The following TGS1 variants were observed in gnomAD, a reference collection of about 807,000 sequenced individuals.
TGS1 encodes trimethylguanosine synthase 1.
A neutral mutation model predicts 92.2 loss-of-function variants in TGS1; 69 were observed. The observed-to-expected ratio is 0.75, with a 90% CI of 0.62 to 0.91. The LOEUF (loss-of-function observed/expected upper bound fraction) is 0.91, where lower values mean the gene tolerates loss of function less well. Ranked by LOEUF, TGS1 falls within the 40% of genes least tolerant of loss-of-function variation. The probability of loss-of-function intolerance (pLI) is 0.00; values close to 1 mark genes in which losing one functional copy is unlikely to be tolerated. For synonymous variants in TGS1, 345 were observed against 338.1 expected, an observed-to-expected ratio of 1.02 and a Z score of -0.22; for missense variants, 1,062 against 1,001.2, an observed-to-expected ratio of 1.06 and a Z score of -0.82.
intron 1 of TGS1, among the ~76,000 whole-genome samples, chr8:55,778,867 C>T (rs1811475054): frequency 1.3e-5 from 2 of 152,064 alleles, no homozygotes; most frequent in Non-Finnish European, 2.9e-5. Flanking sequence ...TTCAGCCGCC[C>T]GAGTGTCAGG....
At chr8:55,808,010 A>T (rs1475805845) in intron 10 of TGS1, among the ~76,000 whole-genome samples, 1 of 152,224 alleles carries the variant, frequency 6.6e-6, no homozygotes, top group African/African-American at 2.4e-5. Flanking sequence ...GTAGCTGTAG[A>T]AAAAACAGAC....
chr8:55,823,150 T>C (rs1421650169), intron 12 of TGS1, among the ~76,000 whole-genome samples: 2 of 152,194 alleles, frequency 1.3e-5, no homozygotes, highest in Non-Finnish European at 2.9e-5. Flanking sequence ...GGTGAAGTAA[T>C]CATGAGTTAG....
intron 1 of TGS1, among the ~76,000 whole-genome samples, chr8:55,778,185 G>GTCC (rs1236535726): frequency 6.6e-6 from 1 of 152,142 alleles, no homozygotes; most frequent in Non-Finnish European, 1.5e-5. Flanking sequence ...AGTCCAGGAG[G>GTCC]TGGAGGCTGC....
chr8:55,774,560 C>T (rs759156938), intron 1 of TGS1, among the ~76,000 whole-genome samples: 9 of 151,946 alleles, frequency 5.9e-5, no homozygotes, highest in South Asian at 2.1e-4. Flanking sequence ...AAAGTATTGT[C>T]GCCTTTTTAG....
Position 55,817,916 on chromosome 8 carries a change from A to C in TGS1, c.2439+4798A>C, listed in dbSNP as rs1042234308. The stretch of plus-strand genomic sequence containing the variant: ...ACATCTACAGCATAGGAGCTGGCAC[A>C]CACACTTAGGGTGTACAGTGTCCTC... On this transcript the variant is annotated intron_variant, in intron 12 of 12. Transcript: ENST00000260129. Among the ~76,000 whole-genome samples the C allele has an allele frequency of 3.9e-5, 6 of 152,342 alleles. No individual in the cohort carries two copies. The South Asian group carries it at 1.2e-3, about 32-fold the overall frequency.
rs1231844408 is a variant in TGS1 at position 55,793,765 on chromosome 8, TA to T, written c.1367+982del. ...TTATTTATTTATTTATTTATTTATT[TA>T]TTTATTTATTTTTTAATTTTTTATT... On this transcript the variant is annotated intron_variant, in intron 6 of 12. Transcript: ENST00000260129. Among the ~76,000 whole-genome samples the T allele has an allele frequency of 5.1e-3, 755 of 146,968 alleles. 5 individuals are homozygous for T. The highest frequency in any genetic ancestry group is 0.019 in the African/African-American group (726 of 38,436).
chr8:55,804,478 A>G (rs943051498), intron 9 of TGS1, among the ~76,000 whole-genome samples: 1 of 152,190 alleles, frequency 6.6e-6, no homozygotes, highest in Non-Finnish European at 1.5e-5. Context: ...TGTCCAATAC[A>G]AATCCAGGCT....
intron 11 of TGS1, among the ~76,000 whole-genome samples, chr8:55,812,650 C>T (rs546160470): frequency 3.3e-5 from 5 of 152,188 alleles, no homozygotes; most frequent in African/African-American, 1.2e-4. Flanking sequence ...CGCTACTGCA[C>T]TCCAGCCTGG....
At chr8:55,803,836 C>A (rs543465555) in intron 9 of TGS1, among the ~76,000 whole-genome samples, 3 of 152,074 alleles carry the variant, frequency 2.0e-5, no homozygotes, top group Admixed American at 1.3e-4. Flanking sequence ...GGATTACAAG[C>A]AAGCACTACC....
rs1166520714 is a variant in TGS1 at position 55,805,040 on chromosome 8, A to G, written c.2143+4A>G. 1.9e-6 allele frequency: 3 copies of G among 1,612,896 alleles called. No homozygotes were observed. Among genetic ancestry groups the G allele is most frequent in the East Asian group, 2.2e-5 (1 of 44,850 alleles). Reference sequence around the variant, plus strand: ...TTTGCCTTAACAGGAATGAGAGGTAATTAGCCATCAATGGAAGTGAACTAT... The same window carrying G: ...TTTGCCTTAACAGGAATGAGAGGTAGTTAGCCATCAATGGAAGTGAACTAT... On this transcript the variant is annotated splice_donor_region_variant and intron_variant, in intron 10 of 12. Transcript: ENST00000260129.
Position 55,796,046 on chromosome 8 carries a change from C to CT in TGS1, c.1437dup (p.Lys480Ter), listed in dbSNP as rs772352660. 13 of 1,613,272 alleles carry CT rather than the reference C, an allele frequency of 8.1e-6. No homozygotes were observed. Among genetic ancestry groups the CT allele is most frequent in the Admixed American group, 3.3e-5 (2 of 59,964 alleles). On this transcript the variant is annotated frameshift_variant, in exon 7 of 13. Transcript: ENST00000260129. LOFTEE classifies it high-confidence loss of function. ...TTAGAGAAGAATGTGAAGCTTAAGT[C>CT]TAAGTACCTAGACATGCGCAGACAA...
At position 55,799,035 on chromosome 8, in the gene TGS1, C is replaced by G. The variant is rs905642691; in HGVS notation, c.1664C>G (p.Ser555Cys). 1.2e-6 allele frequency: 2 copies of G among 1,614,044 alleles called. No individual in the cohort carries two copies. Among genetic ancestry groups the G allele is most frequent in the Non-Finnish European group, 1.7e-6 (2 of 1,180,030 alleles). Residue 555 changes from serine to cysteine, a missense_variant, in exon 8 of 13, where the codon TCT (serine) becomes TGT (cysteine). By Grantham distance (112) the Ser-to-Cys change is moderately radical. Coordinates refer to ENST00000260129, the MANE Select transcript of TGS1 (RefSeq NM_024831.8). ...TSSDSEEQDM[S>C]VKKGDDLLET... ...AGTGATTCAGAGGAACAAGACATGTCTGTTAAAAAAGGTGATGACCTACTG... is the reference window on the plus strand; with the variant it reads ...AGTGATTCAGAGGAACAAGACATGTGTGTTAAAAAAGGTGATGACCTACTG...
intron 12 of TGS1, among the ~76,000 whole-genome samples, chr8:55,820,282 T>G (rs999803461): frequency 6.6e-6 from 1 of 152,142 alleles, no homozygotes; most frequent in African/African-American, 2.4e-5. Context: ...CGCAGTGGCT[T>G]AAGCCTGTAA....
At chr8:55,820,920 G>C (rs1423961849) in intron 12 of TGS1, among the ~76,000 whole-genome samples, 1 of 152,092 alleles carries the variant, frequency 6.6e-6, no homozygotes, top group African/African-American at 2.4e-5. Flanking sequence ...ATAATATTTT[G>C]TCAGCTAAAC....
chr8:55,781,025 A>G (rs1811545573), intron 1 of TGS1, among the ~76,000 whole-genome samples: 1 of 152,178 alleles, frequency 6.6e-6, no homozygotes, highest in African/African-American at 2.4e-5. Flanking sequence ...TCTCCGGGCA[A>G]CTTGGTTCCT....
chr8:55,793,655 C>T (rs190467380), intron 6 of TGS1, among the ~76,000 whole-genome samples: 102 of 152,222 alleles, frequency 6.7e-4, no homozygotes, highest in Non-Finnish European at 1.3e-3. Flanking sequence ...GCGACATCCG[C>T]CTCCTGGGTT....
chr8:55,793,364 T>C (rs1270144041), intron 6 of TGS1, among the ~76,000 whole-genome samples: 1 of 152,138 alleles, frequency 6.6e-6, no homozygotes, highest in Admixed American at 6.5e-5. Context: ...TAGTGGTGCA[T>C]GCTTGTGTTT....
At chr8:55,816,385 C>A (rs1252429288) in intron 12 of TGS1, among the ~76,000 whole-genome samples, 1 of 152,160 alleles carries the variant, frequency 6.6e-6, no homozygotes, top group Non-Finnish European at 1.5e-5. Flanking sequence ...TGGGTGGAAT[C>A]TCTGACATAA....
intron 3 of TGS1, 126 bp downstream of exon 3, chr8:55,786,017 G>A: frequency 2.5e-6 from 2 of 803,716 alleles, no homozygotes; most frequent in Non-Finnish European, 3.8e-6. Context: ...TTAAATGTAT[G>A]TATTTATAAA....
Sources: allele counts gnomAD v4.1 joint callset (sites outside exome capture counted in the v4.1 genomes callset), GRCh38; gene constraint gnomAD v4.1.1; transcripts MANE v1.5; gene names NCBI Gene and HGNC (gene_info 2026-07-23, HGNC 2026-07-21).